ADAMTSL1: variants seen among roughly 807,000 people sequenced by gnomAD.
ADAMTSL1 encodes ADAMTS like 1.
ADAMTSL1 carries 126 observed loss-of-function variants against 201.8 expected under a neutral mutation model. The observed-to-expected ratio is 0.62, with a 90% CI of 0.54 to 0.72. The LOEUF (loss-of-function observed/expected upper bound fraction) is 0.72, where lower values mean the gene tolerates loss of function less well. Among genes scored for constraint, ADAMTSL1 ranks in the 30% least tolerant of loss-of-function variants. ADAMTSL1 has a pLI of 0.00. For missense variants in ADAMTSL1, 2,679 were observed against 2,277.8 expected, an observed-to-expected ratio of 1.18 and a Z score of -3.59; for synonymous variants, 1,121 against 903.4, an observed-to-expected ratio of 1.24 and a Z score of -4.32.
At chr9:18,334,820 T>C (rs1835163082) in intron 2 of ADAMTSL1, among the ~76,000 whole-genome samples, 1 of 152,184 alleles carries the variant, frequency 6.6e-6, no homozygotes, top group Non-Finnish European at 1.5e-5. Context: ...AAGGAAGGAT[T>C]CTAATTCATC....
chr9:18,824,661 G>A (rs1263242192), intron 21 of ADAMTSL1, among the ~76,000 whole-genome samples: 1 of 147,180 alleles, frequency 6.8e-6, no homozygotes, highest in African/African-American at 2.5e-5. Flanking sequence ...GCCATTCTTG[G>A]CTTTGACCCC....
intron 23 of ADAMTSL1, among the ~76,000 whole-genome samples, chr9:18,886,166 GTATATA>G (rs751978972): frequency 0.019 from 714 of 37,080 alleles, 18 homozygotes; most frequent in South Asian, 0.049. Context: ...GTGTGTATGT[GTATATA>G]TATATATATA....
rs148912366 is a variant in ADAMTSL1, at chr9:18,174,256, A to G, written c.207+10275A>G. On this transcript the variant is annotated intron_variant, in intron 2 of 29. Transcript: ENST00000680146. Reference sequence around the variant, plus strand: ...TTGTTTGTAAGGTAATGCTGAAGCTATCAACCCGTGCGTTGAGTTTAAATG... The same window carrying G: ...TTGTTTGTAAGGTAATGCTGAAGCTGTCAACCCGTGCGTTGAGTTTAAATG... Among the ~76,000 whole-genome samples the G allele has an allele frequency of 3.7e-3, 565 of 152,244 alleles. 5 individuals are homozygous for G. The highest frequency in any genetic ancestry group is 0.013 in the African/African-American group (538 of 41,544).
intron 2 of ADAMTSL1, among the ~76,000 whole-genome samples, chr9:18,249,993 A>G (rs953738133): frequency 3.9e-5 from 6 of 152,248 alleles, no homozygotes; most frequent in African/African-American, 1.4e-4. Context: ...ATAAAATAGC[A>G]TGCTAATGCT....
intron 2 of ADAMTSL1, among the ~76,000 whole-genome samples, chr9:18,212,948 C>T (rs1451077832): frequency 6.6e-6 from 1 of 152,156 alleles, no homozygotes; most frequent in Non-Finnish European, 1.5e-5. Context: ...ATTTGCAGTT[C>T]ATTGTCCTAA....
At chr9:18,438,294 A>T (rs556893350) in intron 2 of ADAMTSL1, among the ~76,000 whole-genome samples, 37 of 152,200 alleles carry the variant, frequency 2.4e-4, no homozygotes, top group African/African-American at 8.4e-4. Flanking sequence ...AGAACTTGTT[A>T]TTTTTGAAAA....
At chr9:18,491,888 T>G (rs965000662) in intron 1 of ADAMTSL1, among the ~76,000 whole-genome samples, 3 of 152,138 alleles carry the variant, frequency 2.0e-5, no homozygotes, top group Non-Finnish European at 4.4e-5. Flanking sequence ...TAAGGACAGG[T>G]TCTTTTAGAC....
intron 22 of ADAMTSL1, among the ~76,000 whole-genome samples, chr9:18,828,660 TTATATA>T (rs1554643931): frequency 2.5e-4 from 7 of 28,534 alleles, no homozygotes; most frequent in Admixed American, 2.1e-3. Flanking sequence ...GAAAGTATAT[TTATATA>T]TATATATATA....
intron 13 of ADAMTSL1, among the ~76,000 whole-genome samples, chr9:18,685,116 T>A (rs1401441906): frequency 6.6e-6 from 1 of 152,248 alleles, no homozygotes; most frequent in East Asian, 1.9e-4. Flanking sequence ...GCTGATGATA[T>A]AACATAGATT....
At chr9:18,498,967 G>GGAA (rs1822687793) in intron 1 of ADAMTSL1, among the ~76,000 whole-genome samples, 1 of 152,248 alleles carries the variant, frequency 6.6e-6, no homozygotes, top group African/African-American at 2.4e-5. Context: ...CGCCTTAACA[G>GGAA]GAATGCGCAA....
chr9:18,635,832 TAAAAAAACTGTAG>T, intron 5 of ADAMTSL1, 98 bp from the exon 6 acceptor site: 1 of 871,550 alleles, frequency 1.1e-6, no homozygotes. Context: ...TTCAAACACT[TAAAAAAACTGTAG>T]TTTTTAAGGT....
chr9:18,514,112 C>T (rs903391377), intron 2 of ADAMTSL1, among the ~76,000 whole-genome samples: 3 of 152,110 alleles, frequency 2.0e-5, no homozygotes, highest in Non-Finnish European at 2.9e-5. Flanking sequence ...ATTACTCTTC[C>T]ACTCCATGAA....
intron 1 of ADAMTSL1, among the ~76,000 whole-genome samples, chr9:18,141,969 G>C (rs1005801980): frequency 2.0e-5 from 3 of 152,194 alleles, no homozygotes; most frequent in African/African-American, 7.2e-5. Flanking sequence ...CTGTGGCCAG[G>C]TTCAGTGAAA....
chr9:18,753,582 G>A (rs963223852), intron 16 of ADAMTSL1, 74 bp downstream of exon 16: 1 of 1,513,346 alleles, frequency 6.6e-7, no homozygotes, highest in Admixed American at 1.9e-5. Context: ...CTCTCTCAGA[G>A]TGGTTTTGTC....
At chr9:17,996,095 G>T (rs901966203) in intron 1 of ADAMTSL1, among the ~76,000 whole-genome samples, 17 of 151,872 alleles carry the variant, frequency 1.1e-4, no homozygotes, top group African/African-American at 4.1e-4. Context: ...TCCCTGTCTT[G>T]TGGATAAACT....
chr9:17,939,852 A>C (rs1210099599), intron 1 of ADAMTSL1, among the ~76,000 whole-genome samples: 1 of 152,166 alleles, frequency 6.6e-6, no homozygotes. Flanking sequence ...TGAATGTTTT[A>C]ATGGAGGCCT....
At chr9:18,838,087 G>C (rs1038836575) in intron 23 of ADAMTSL1, among the ~76,000 whole-genome samples, 1 of 152,044 alleles carries the variant, frequency 6.6e-6, no homozygotes, top group African/African-American at 2.4e-5. Flanking sequence ...GTTCCACATG[G>C]CTGGGGAGGC....
At chr9:18,042,213 G>C (rs1821456861) in intron 1 of ADAMTSL1, among the ~76,000 whole-genome samples, 1 of 151,952 alleles carries the variant, frequency 6.6e-6, no homozygotes, top group South Asian at 2.1e-4. Flanking sequence ...ATGAAGCATA[G>C]AAATAGTTAA....
intron 2 of ADAMTSL1, among the ~76,000 whole-genome samples, chr9:18,455,656 G>T (rs1281034883): frequency 6.6e-6 from 1 of 152,066 alleles, no homozygotes; most frequent in African/African-American, 2.4e-5. Flanking sequence ...CTCTTCAGCT[G>T]ATCTAAACAG....
Sources: gnomAD v4.1 joint callset for allele counts (sites outside exome capture counted in the v4.1 genomes callset) on GRCh38, gnomAD v4.1.1 for gene constraint, MANE v1.5 for transcripts, NCBI Gene and HGNC (gene_info 2026-07-23, HGNC 2026-07-21) for gene names.